PRKG1: variants seen among roughly 807,000 people sequenced by gnomAD.
The protein encoded by PRKG1 is protein kinase cGMP-dependent 1.
PRKG1 carries 35 observed loss-of-function variants against 88.1 expected under a neutral mutation model. The observed-to-expected ratio is 0.40, with a 90% CI of 0.30 to 0.53. The LOEUF (loss-of-function observed/expected upper bound fraction) is 0.53. Ranked by LOEUF, PRKG1 falls within the 20% of genes least tolerant of loss-of-function variation. PRKG1 has a pLI of 0.59. For synonymous variants in PRKG1, 303 were observed against 292.5 expected (o/e 1.04, Z -0.37); for missense variants, 540 against 839.8 (o/e 0.64, Z 4.41).
At chr10:51,639,175 C>T (rs1839731067) in intron 3 of PRKG1, among the ~76,000 whole-genome samples, 1 of 151,782 alleles carries the variant, frequency 6.6e-6, no homozygotes, top group African/African-American at 2.4e-5. Context: ...TGGCTCACAC[C>T]TGTAATCTCA....
chr10:52,206,373 C>A (rs187218724), intron 9 of PRKG1, among the ~76,000 whole-genome samples: 2 of 152,128 alleles, frequency 1.3e-5, no homozygotes, highest in African/African-American at 4.8e-5. Flanking sequence ...TCTCCATGAT[C>A]TTCACTCCTC....
intron 1 of PRKG1, among the ~76,000 whole-genome samples, chr10:51,108,670 A>G (rs1240603481): frequency 3.3e-5 from 5 of 152,164 alleles, no homozygotes; most frequent in Non-Finnish European, 1.5e-5. Context: ...CTAACATCAT[A>G]CTTAATGGTG....
At position 51,217,032 on chromosome 10, in the gene PRKG1, C is replaced by T. The variant is rs936064000; in HGVS notation, c.478+63702C>T. Among the ~76,000 whole-genome samples, 7 of 152,086 alleles carry T rather than the reference C, an allele frequency of 4.6e-5. No homozygotes were observed. In the East Asian group the frequency reaches 1.2e-3, roughly 25 times the overall value. On this transcript the variant is annotated intron_variant, in intron 2 of 17. Transcript: ENST00000373980. ...TAAATAAAAAATAAGAAAATGATCT[C>T]CTGTGCAGATAGTCAAATTGAAAAG...
intron 8 of PRKG1, among the ~76,000 whole-genome samples, chr10:52,135,188 T>G (rs759463786): frequency 6.6e-6 from 1 of 151,246 alleles, no homozygotes; most frequent in East Asian, 1.9e-4. Flanking sequence ...GTCGGGGAGG[T>G]GTTAAAAAGT....
At chr10:52,110,753 A>C (rs190484036) in intron 7 of PRKG1, among the ~76,000 whole-genome samples, 5 of 152,314 alleles carry the variant, frequency 3.3e-5, no homozygotes, top group Admixed American at 3.3e-4. Context: ...GATTATTCAC[A>C]TAGTTGGTAC....
intron 3 of PRKG1, among the ~76,000 whole-genome samples, chr10:51,474,617 G>A (rs1345485326): frequency 6.6e-6 from 1 of 151,934 alleles, no homozygotes; most frequent in Non-Finnish European, 1.5e-5. Flanking sequence ...ACATTACTAA[G>A]TAGCTACATT....
At chr10:51,401,505 C>G (rs1435879030) in intron 2 of PRKG1, among the ~76,000 whole-genome samples, 1 of 152,174 alleles carries the variant, frequency 6.6e-6, no homozygotes, top group Non-Finnish European at 1.5e-5. Flanking sequence ...ATTTCACCAC[C>G]CCTCTGTCAC....
intron 2 of PRKG1, among the ~76,000 whole-genome samples, chr10:51,460,596 C>G (rs1270057949): frequency 1.3e-5 from 2 of 152,092 alleles, no homozygotes; most frequent in African/African-American, 4.8e-5. Flanking sequence ...AAATTGAAAT[C>G]AGTCCACAAA....
At chr10:51,613,165 T>G (rs537444547) in intron 3 of PRKG1, among the ~76,000 whole-genome samples, 2 of 152,078 alleles carry the variant, frequency 1.3e-5, no homozygotes, top group East Asian at 3.9e-4. Context: ...CTTCTTTGTT[T>G]GAAAACTTTT....
At chr10:51,295,999 C>T (rs1049115067) in intron 2 of PRKG1, among the ~76,000 whole-genome samples, 2 of 152,060 alleles carry the variant, frequency 1.3e-5, no homozygotes, top group African/African-American at 4.8e-5. Flanking sequence ...TATGTTGAGC[C>T]ATCTTTACAC....
intron 1 of PRKG1, among the ~76,000 whole-genome samples, chr10:51,054,009 A>C (rs976880219): frequency 5.9e-5 from 9 of 152,204 alleles, no homozygotes; most frequent in Admixed American, 1.3e-4. Context: ...ACTTTTTATT[A>C]GAAGACTATA....
chr10:52,051,692 C>CCCTGTCA (rs1845990388), intron 5 of PRKG1, among the ~76,000 whole-genome samples: 1 of 152,204 alleles, frequency 6.6e-6, no homozygotes, highest in African/African-American at 2.4e-5. Context: ...GAATTACCTG[C>CCCTGTCA]CCTGTCACAG....
intron 1 of PRKG1, among the ~76,000 whole-genome samples, chr10:51,011,100 G>C (rs540056227): frequency 6.6e-6 from 1 of 152,176 alleles, no homozygotes; most frequent in East Asian, 1.9e-4. Context: ...TACCACAAGG[G>C]GGCAGTAACG....
intron 2 of PRKG1, among the ~76,000 whole-genome samples, chr10:51,400,638 A>G (rs1035204483): frequency 6.6e-6 from 1 of 152,242 alleles, no homozygotes; most frequent in African/African-American, 2.4e-5. Flanking sequence ...AAAAATAAAA[A>G]GCAGAGTGCA....
chr10:51,280,862 C>T (rs1404926568), intron 2 of PRKG1, among the ~76,000 whole-genome samples: 1 of 152,196 alleles, frequency 6.6e-6, no homozygotes, highest in Non-Finnish European at 1.5e-5. Flanking sequence ...TCTAATCTCA[C>T]CTAGTTAAAG....
chr10:51,031,142 T>C (rs1162465558), intron 1 of PRKG1, among the ~76,000 whole-genome samples: 1 of 152,196 alleles, frequency 6.6e-6, no homozygotes, highest in Non-Finnish European at 1.5e-5. Flanking sequence ...CATTGATGAA[T>C]CTTCTAAATT....
At chr10:51,563,039 C>T (rs1248070420) in intron 3 of PRKG1, among the ~76,000 whole-genome samples, 2 of 152,098 alleles carry the variant, frequency 1.3e-5, no homozygotes, top group African/African-American at 4.8e-5. Flanking sequence ...CTTGGCCTCC[C>T]AAAGTATGAG....
intron 7 of PRKG1, among the ~76,000 whole-genome samples, chr10:52,088,432 T>C (rs959326425): frequency 3.3e-5 from 5 of 152,070 alleles, no homozygotes; most frequent in Admixed American, 1.3e-4. Flanking sequence ...GAATGTTGTG[T>C]CCTCTTCAAA....
At chr10:51,128,215 A>AAG in intron 1 of PRKG1, among the ~76,000 whole-genome samples, 1 of 125,424 alleles carries the variant, frequency 8.0e-6, no homozygotes. Context: ...ACTTAAAAAA[A>AAG]ATCCGGATAG....
Sources: allele counts gnomAD v4.1 joint callset (sites outside exome capture counted in the v4.1 genomes callset), GRCh38; gene constraint gnomAD v4.1.1; transcripts MANE v1.5; gene names NCBI Gene and HGNC (gene_info 2026-07-23, HGNC 2026-07-21).